Variants in ST3GAL2 observed in about 807,000 individuals in gnomAD.
ST3GAL2 encodes ST3 beta-galactoside alpha-2,3-sialyltransferase 2.
In ST3GAL2, 16 loss-of-function variants were observed where a neutral mutation model predicts 37.5. The ratio of observed to expected loss-of-function variants is 0.43; its 90% CI spans 0.29 to 0.65. ST3GAL2 has a LOEUF of 0.65. Ranked by LOEUF, ST3GAL2 falls within the 30% of genes least tolerant of loss-of-function variation. ST3GAL2 has a pLI of 0.17. For synonymous variants in ST3GAL2, 238 were observed against 202.9 expected, an observed-to-expected ratio of 1.17 and a Z score of -1.47; for missense variants, 383 against 487.8, an observed-to-expected ratio of 0.79 and a Z score of 2.02.
In ST3GAL2 at chr16:70,398,657, G is replaced by A. The variant is rs1001572062; in HGVS notation, c.-127C>T. ...GGCATAGGGGCACGTGCTGCAGCAG[G>A]GGACAGTGGCAGGGGTCCCTTGCCA... On this transcript the variant is annotated 5_prime_UTR_variant, in exon 2 of 7. Coordinates refer to ENST00000342907, the MANE Select transcript of ST3GAL2 (RefSeq NM_006927.4). 13 of 900,744 alleles carry A rather than the reference G, an allele frequency of 1.4e-5. No individual in the cohort carries two copies. The Middle Eastern group carries it at 1.0e-3, about 72-fold the overall frequency. 55.8% of individuals were successfully genotyped at this position (900,744 alleles called of 1,614,324 possible).
intron 3 of ST3GAL2, among the ~76,000 whole-genome samples, chr16:70,393,951 C>A (rs1241284846): frequency 1.3e-5 from 2 of 152,182 alleles, no homozygotes; most frequent in African/African-American, 2.4e-5. Flanking sequence ...TGGGCATTGG[C>A]AGGAGCTCTG....
intron 1 of ST3GAL2, among the ~76,000 whole-genome samples, chr16:70,422,556 C>T (rs2047722297): frequency 6.6e-6 from 1 of 152,164 alleles, no homozygotes; most frequent in African/African-American, 2.4e-5. Flanking sequence ...GAGTGAGAGG[C>T]TCAGAATGCA....
intron 1 of ST3GAL2, among the ~76,000 whole-genome samples, chr16:70,406,303 T>C (rs1402253717): frequency 6.6e-6 from 1 of 151,118 alleles, no homozygotes; most frequent in Non-Finnish European, 1.5e-5. Context: ...AACTTAGCTG[T>C]GGGTGGTGGC....
At position 70,404,850 on chromosome 16, in the gene ST3GAL2, G is replaced by A. The variant is rs1452223029; in HGVS notation, c.-1003-5317C>T. On this transcript the variant is annotated intron_variant, in intron 1 of 6. Coordinates refer to ENST00000342907, the MANE Select transcript of ST3GAL2 (RefSeq NM_006927.4). ...GAGATCAAGACCATCTGGCCAACTTGGTGAAACCCCATCTCTGTTAAAAAT... is the reference window on the plus strand; with the variant it reads ...GAGATCAAGACCATCTGGCCAACTTAGTGAAACCCCATCTCTGTTAAAAAT... Among the ~76,000 whole-genome samples the A allele has an allele frequency of 2.6e-5, 4 of 152,026 alleles. No homozygotes were observed. The East Asian group carries it at 5.8e-4, about 22-fold the overall frequency.
chr16:70,388,590 A>G, intron 3 of ST3GAL2, 44 bp from the exon 4 acceptor site: 2 of 1,528,324 alleles, frequency 1.3e-6, no homozygotes, highest in South Asian at 2.6e-5. Flanking sequence ...TGCCATGGAA[A>G]CTGATACAAG....
intron 1 of ST3GAL2, among the ~76,000 whole-genome samples, chr16:70,422,595 C>G (rs1381683434): frequency 6.6e-6 from 1 of 152,164 alleles, no homozygotes; most frequent in African/African-American, 2.4e-5. Context: ...ACTTCACTCC[C>G]GAGAACTCAG....
At chr16:70,409,125 G>C (rs887524208) in intron 1 of ST3GAL2, among the ~76,000 whole-genome samples, 1 of 151,906 alleles carries the variant, frequency 6.6e-6, no homozygotes, top group Non-Finnish European at 1.5e-5. Flanking sequence ...CTACACTAAG[G>C]CATGAAGTAA....
intron 5 of ST3GAL2, 22 bp downstream of exon 5, chr16:70,383,167 TG>T: frequency 1.9e-6 from 3 of 1,612,072 alleles, no homozygotes; most frequent in Non-Finnish European, 2.5e-6. Flanking sequence ...TCCACTGAGG[TG>T]GGGAAGAAGT....
intron 4 of ST3GAL2, among the ~76,000 whole-genome samples, chr16:70,386,281 G>A (rs1345160336): frequency 1.3e-5 from 2 of 151,256 alleles, no homozygotes; most frequent in African/African-American, 2.4e-5. Context: ...TCCGCCTCCC[G>A]GGTTCACGCC....
intron 1 of ST3GAL2, among the ~76,000 whole-genome samples, chr16:70,432,661 A>AC (rs1375484233): frequency 6.6e-6 from 1 of 151,788 alleles, no homozygotes; most frequent in Non-Finnish European, 1.5e-5. Flanking sequence ...CAAAGTTCAG[A>AC]CCCCCCTTCT....
intron 2 of ST3GAL2, among the ~76,000 whole-genome samples, chr16:70,397,550 C>T (rs1048731765): frequency 3.3e-5 from 5 of 151,510 alleles, no homozygotes; most frequent in Non-Finnish European, 7.4e-5. Flanking sequence ...ATGGTGAAAC[C>T]CCGTCTGTAC....
intron 1 of ST3GAL2, among the ~76,000 whole-genome samples, chr16:70,412,600 C>A (rs905123917): frequency 1.3e-5 from 2 of 152,178 alleles, no homozygotes; most frequent in Admixed American, 6.5e-5. Flanking sequence ...ACCGTGATTA[C>A]GCCACTGCCG....
At chr16:70,424,013 G>A (rs1033581669) in intron 1 of ST3GAL2, among the ~76,000 whole-genome samples, 1 of 151,580 alleles carries the variant, frequency 6.6e-6, no homozygotes, top group Non-Finnish European at 1.5e-5. Context: ...AGCCAAGATC[G>A]TGCCACTGCA....
rs988017231 is a variant in ST3GAL2, at chr16:70,378,942, G to A, written c.*2747C>T. ...GAACCCAGGAGGTGGAGGTTGGGAT[G>A]AGCCGACATCGGGCCATTGCACTCC... On this transcript the variant is annotated 3_prime_UTR_variant, in exon 7 of 7. Transcript: ENST00000342907. 1 of 152,198 alleles carries A rather than the reference G, an allele frequency of 6.6e-6. No homozygotes were observed. The highest frequency in any genetic ancestry group is 1.5e-5 in the Non-Finnish European group (1 of 68,096). 9.4% of individuals were successfully genotyped at this position (152,198 alleles called of 1,614,324 possible).
At chr16:70,385,322 C>A (rs900016913) in intron 4 of ST3GAL2, among the ~76,000 whole-genome samples, 1 of 151,676 alleles carries the variant, frequency 6.6e-6, no homozygotes, top group Non-Finnish European at 1.5e-5. Context: ...AACAAACAAA[C>A]AAAAAAGAAT....
chr16:70,414,590 G>A (rs1455472531), intron 1 of ST3GAL2, among the ~76,000 whole-genome samples: 5 of 152,290 alleles, frequency 3.3e-5, no homozygotes, highest in Middle Eastern at 3.4e-3. Context: ...ACTGAAAATC[G>A]GAACAATTGA....
At chr16:70,415,785 T>C (rs1046250886) in intron 1 of ST3GAL2, among the ~76,000 whole-genome samples, 7 of 147,068 alleles carry the variant, frequency 4.8e-5, no homozygotes, top group African/African-American at 1.8e-4. Context: ...TTTTTTTTCT[T>C]TTCTGAAACA....
chr16:70,393,086 ATT>A (rs11421656), intron 3 of ST3GAL2, among the ~76,000 whole-genome samples: 10 of 135,606 alleles, frequency 7.4e-5, no homozygotes, highest in East Asian at 2.1e-4. Flanking sequence ...GCATCTATAA[ATT>A]TTTTTTTTTT....
intron 1 of ST3GAL2, among the ~76,000 whole-genome samples, chr16:70,430,756 C>A (rs549633407): frequency 6.6e-6 from 1 of 152,170 alleles, no homozygotes. Flanking sequence ...AGGACTCACA[C>A]TGCTCCCTAG....
Sources: allele counts gnomAD v4.1 joint callset (sites outside exome capture counted in the v4.1 genomes callset), GRCh38; gene constraint gnomAD v4.1.1; transcripts MANE v1.5; gene names NCBI Gene and HGNC (gene_info 2026-07-23, HGNC 2026-07-21).